Variants in SNX1 observed in about 807,000 individuals in gnomAD.
SNX1 encodes sorting nexin 1.
A neutral mutation model predicts 71.8 loss-of-function variants in SNX1; 36 were observed. The observed-to-expected ratio is 0.50, with a 90% CI of 0.38 to 0.66. The LOEUF (loss-of-function observed/expected upper bound fraction) is 0.66. Among genes scored for constraint, SNX1 ranks in the 30% least tolerant of loss-of-function variants. SNX1 has a pLI of 0.00. For synonymous variants in SNX1, 254 were observed against 240.7 expected (o/e 1.06, Z -0.51); for missense variants, 612 against 646.7 (o/e 0.95, Z 0.58).
intron 10 of SNX1, 181 bp from the exon 11 acceptor site, chr15:64,131,506 G>A (rs2081306117): frequency 1.6e-6 from 1 of 615,650 alleles, no homozygotes; most frequent in South Asian, 2.0e-5. Context: ...CCTGTGACCA[G>A]GCCACATTCT....
intron 1 of SNX1, among the ~76,000 whole-genome samples, chr15:64,110,861 A>G (rs117545935): frequency 0.012 from 1,804 of 152,312 alleles, 18 homozygotes; most frequent in Non-Finnish European, 0.016. Context: ...TAACCTTCCA[A>G]GTTAAGTGGT....
chr15:64,120,541 G>A (rs1297441924), intron 4 of SNX1, among the ~76,000 whole-genome samples: 1 of 152,150 alleles, frequency 6.6e-6, no homozygotes. Flanking sequence ...GCCAGGTGCA[G>A]TGGCTTACAT....
Position 64,142,823 on chromosome 15 carries a change from C to T in SNX1, c.*5205C>T, listed in dbSNP as rs1331209769. 1.1e-5 allele frequency: 4 copies of T among 350,966 alleles called. No homozygotes were observed. The highest frequency in any genetic ancestry group is 4.3e-5 in the African/African-American group (2 of 46,064). The allele number at this position is 350,966 out of a possible 1,614,324, so 21.7% of individuals were successfully genotyped here. Reference sequence around the variant, plus strand: ...TGAGAGAAACGGGAATAAGAATTGTCGCCTACACAAAAATACCAGCAACTG... The same window carrying T: ...TGAGAGAAACGGGAATAAGAATTGTTGCCTACACAAAAATACCAGCAACTG... On this transcript the variant is annotated 3_prime_UTR_variant, in exon 15 of 15. Coordinates refer to ENST00000559844, the MANE Select transcript of SNX1 (RefSeq NM_003099.5).
rs960329285 is a variant in SNX1, at chr15:64,142,826, C to T, written c.*5208C>T. On this transcript the variant is annotated 3_prime_UTR_variant, in exon 15 of 15. Transcript: ENST00000559844. ...GAGAAACGGGAATAAGAATTGTCGC[C>T]TACACAAAAATACCAGCAACTGTTA... 3 of 349,018 alleles carry T rather than the reference C, an allele frequency of 8.6e-6. No individual in the cohort carries two copies. The highest frequency in any genetic ancestry group is 4.3e-5 in the African/African-American group (2 of 46,016). The allele number at this position is 349,018 out of a possible 1,614,324, so 21.6% of individuals were successfully genotyped here.
chr15:64,128,366 A>C (rs1471371285), intron 8 of SNX1, among the ~76,000 whole-genome samples: 1 of 152,250 alleles, frequency 6.6e-6, no homozygotes, highest in Admixed American at 6.5e-5. Flanking sequence ...ATGTATGTTA[A>C]AAGAATTACA....
chr15:64,116,540 T>C (rs1444522135), intron 2 of SNX1, among the ~76,000 whole-genome samples: 1 of 152,228 alleles, frequency 6.6e-6, no homozygotes, highest in African/African-American at 2.4e-5. Context: ...ATTAGAATAC[T>C]GATCTGGGAC....
At chr15:64,124,178 A>ATATATATATATATATATG (rs1445871067) in intron 5 of SNX1, among the ~76,000 whole-genome samples, 3 of 123,564 alleles carry the variant, frequency 2.4e-5, no homozygotes, top group African/African-American at 8.7e-5. Context: ...ATATATATAT[A>ATATATATATATATATATG]TGACTGTTTT....
At chr15:64,114,690 C>T (rs966550880) in intron 2 of SNX1, among the ~76,000 whole-genome samples, 2 of 151,962 alleles carry the variant, frequency 1.3e-5, no homozygotes, top group South Asian at 2.1e-4. Context: ...GATCTTGGGA[C>T]GACTCTTACG....
chr15:64,134,827 C>G lies in SNX1; in HGVS notation c.1365+20C>G. ...CTCGAGGTGAGTCCACTGAGGCAGC[C>G]CAGCCAGGGGTGTTCTGCTGGTTCC... On this transcript the variant is annotated intron_variant, in intron 12 of 14. Transcript: ENST00000559844. The surrounding 1 kb of genome is among the most constrained non-coding windows in gnomAD (Gnocchi z 4.1). 6.2e-7 allele frequency: 1 copy of G among 1,613,134 alleles called. No individual in the cohort carries two copies. Among genetic ancestry groups the G allele is most frequent in the Non-Finnish European group, 8.5e-7 (1 of 1,179,746 alleles).
intron 1 of SNX1, among the ~76,000 whole-genome samples, chr15:64,104,461 G>A (rs1427403514): frequency 1.3e-5 from 2 of 152,026 alleles, no homozygotes; most frequent in Non-Finnish European, 2.9e-5. Context: ...TTCTAGTAGA[G>A]ACAGGGTTTC....
chr15:64,118,238 T>C lies in SNX1; in HGVS notation c.393T>C (p.Tyr131=), dbSNP rs2081153434. 1.2e-6 allele frequency: 2 copies of C among 1,612,568 alleles called. No homozygotes were observed. Among genetic ancestry groups the C allele is most frequent in the Non-Finnish European group, 1.7e-6 (2 of 1,179,602 alleles). Residue 131 remains tyrosine, a synonymous_variant, in exon 3 of 15, where the codon TAT becomes TAC. Transcript: ENST00000559844. The stretch of plus-strand genomic sequence containing the variant: ...ATTCTTCGAAGCCCCAGCCAACCTA[T>C]GAGGAGGTGAGGATCTGTGCTCTTG... ...ATNSSKPQPT[Y]EELEEEEQED...
In SNX1 at chr15:64,106,320, A is replaced by C. The variant is rs1430210127; in HGVS notation, c.160-6253A>C. Among the ~76,000 whole-genome samples, 3 of 152,128 alleles carry C rather than the reference A, an allele frequency of 2.0e-5. No individual in the cohort carries two copies. In the East Asian group the frequency reaches 5.8e-4, roughly 29 times the overall value. On this transcript the variant is annotated intron_variant, in intron 1 of 14. Transcript: ENST00000559844. ...CCCCAAGATAAGAACCCCTAGTTTA[A>C]CTCCTTAAGCTATGGAGTTAAACTC...
chr15:64,133,108 G>C (rs563234164), intron 11 of SNX1, among the ~76,000 whole-genome samples: 5 of 152,212 alleles, frequency 3.3e-5, no homozygotes, highest in Non-Finnish European at 7.3e-5. Context: ...GTGCCTCATG[G>C]CACATAATTG....
At chr15:64,124,790 G>A (rs545953658) in intron 5 of SNX1, among the ~76,000 whole-genome samples, 2 of 152,238 alleles carry the variant, frequency 1.3e-5, no homozygotes, top group South Asian at 4.1e-4. Flanking sequence ...TGGACACAAG[G>A]AATACAAACT....
chr15:64,126,139 C>A lies in SNX1; in HGVS notation c.571C>A (p.Leu191Met), dbSNP rs149753651. The change falls in exon 6 of 15, where the codon CTG becomes ATG. Residue 191 changes from leucine (L) to methionine (M), a missense_variant. This residue lies in a region of SNX1 where 316 missense variants were observed against 284.9 expected (regional missense o/e 1.11). Coordinates refer to ENST00000559844, the MANE Select transcript of SNX1 (RefSeq NM_003099.5). ...FAVKRRFSDF[L>M]GLYEKLSEKH... ...AGTAAAAAGAAGATTTAGTGACTTT[C>A]TGGGTCTTTATGAGAAGCTTTCCGA... 6.2e-7 allele frequency: 1 copy of A among 1,614,116 alleles called. No individual in the cohort carries two copies. Among genetic ancestry groups the A allele is most frequent in the Non-Finnish European group, 8.5e-7 (1 of 1,179,994 alleles).
At position 64,134,945 on chromosome 15, in the gene SNX1, G is replaced by A; in HGVS notation, c.1365+138G>A. On this transcript the variant is annotated intron_variant, in intron 12 of 14. Coordinates refer to ENST00000559844, the MANE Select transcript of SNX1 (RefSeq NM_003099.5). This position sits in a 1 kb window ranked among gnomAD's most constrained non-coding sequence, Gnocchi z 4.1. ...CTAAAGGGCCGTGGCTGCTGAGGAA[G>A]CCTCTGAGAATGACTCCAGGCCTTC... 1 of 1,166,678 alleles carries A rather than the reference G, an allele frequency of 8.6e-7. No homozygotes were observed. The highest frequency in any genetic ancestry group is 1.2e-6 in the Non-Finnish European group (1 of 843,184). The allele number at this position is 1,166,678 out of a possible 1,614,324, so 72.3% of individuals were successfully genotyped here.
chr15:64,141,029 T>C lies in SNX1; in HGVS notation c.*3411T>C, dbSNP rs1347099911. ...GATAGATAGATAGATAGATAGATGA[T>C]AGATATAGATAGATAGATAGATTGA... On this transcript the variant is annotated 3_prime_UTR_variant, in exon 15 of 15. Transcript: ENST00000559844. This position sits in a 1 kb window ranked among gnomAD's most constrained non-coding sequence, Gnocchi z 5.1. 7.6e-6 allele frequency: 1 copy of C among 131,188 alleles called. No individual in the cohort carries two copies. The highest frequency in any genetic ancestry group is 1.6e-5 in the Non-Finnish European group (1 of 63,658). 8.1% of individuals were successfully genotyped at this position (131,188 alleles called of 1,614,324 possible). A position where few individuals can be genotyped will look rare whatever the true frequency, so the allele number is the denominator to read the frequency against.
In SNX1 at chr15:64,102,210, G is replaced by A. The variant is rs187833945; in HGVS notation, c.159+6038G>A. 4.1e-4 allele frequency among the ~76,000 whole-genome samples: 62 copies of A among 152,166 alleles called. 1 individual carries two copies. The highest frequency in any genetic ancestry group is 3.1e-3 in the Admixed American group (48 of 15,282). The stretch of plus-strand genomic sequence containing the variant: ...TTCTGTCTTAAATCTGTTATATGGT[G>A]AGCTGCTTTACTGGAGTGGACTCAA... On this transcript the variant is annotated intron_variant, in intron 1 of 14. Transcript: ENST00000559844.
chr15:64,119,723 T>TAA lies in SNX1; in HGVS notation c.466+883_466+884dup, dbSNP rs765691582. 5.8e-3 allele frequency among the ~76,000 whole-genome samples: 807 copies of TAA among 138,248 alleles called. 12 individuals are homozygous for TAA. The highest frequency in any genetic ancestry group is 0.034 in the Admixed American group (470 of 13,884). The allele number at this position is 138,248 out of a possible 152,430, so 90.7% of individuals were successfully genotyped here. On this transcript the variant is annotated intron_variant, in intron 4 of 14. Coordinates refer to ENST00000559844, the MANE Select transcript of SNX1 (RefSeq NM_003099.5). ...TGGGTGACAGAGCAAGACTGTGTCT[T>TAA]AAAAAAAAAAAAAAACACACACACA... is the stretch of plus-strand genomic sequence containing the variant.
Sources: allele counts gnomAD v4.1 joint callset (sites outside exome capture counted in the v4.1 genomes callset), GRCh38; gene constraint gnomAD v4.1.1; regional missense constraint gnomAD v4.1.1; non-coding constraint Gnocchi (gnomAD v3.1); transcripts MANE v1.5; gene names NCBI Gene and HGNC (gene_info 2026-07-23, HGNC 2026-07-21).